Variants in AFAP1 observed in about 807,000 individuals in gnomAD.
AFAP1 encodes actin filament associated protein 1.
A neutral mutation model predicts 93.9 loss-of-function variants in AFAP1; 75 were observed. The observed-to-expected ratio is 0.80, with a 90% CI of 0.66 to 0.97. The LOEUF (loss-of-function observed/expected upper bound fraction) is 0.97. Ranked by LOEUF, AFAP1 falls within the 50% of genes least tolerant of loss-of-function variation. The pLI is 0.00. For synonymous variants in AFAP1, 517 were observed against 430.7 expected (o/e 1.20, Z -2.48); for missense variants, 1,201 against 1,050.8 (o/e 1.14, Z -1.98).
intron 1 of AFAP1, among the ~76,000 whole-genome samples, chr4:7,909,260 G>C (rs568267009): frequency 1.1e-4 from 17 of 152,238 alleles, no homozygotes; most frequent in African/African-American, 3.6e-4. Context: ...TTTCATAGAT[G>C]AAAGTCAGGT....
At position 7,789,843 on chromosome 4, in the gene AFAP1, A is replaced by C. The variant is rs1717702060; in HGVS notation, c.1413-3532T>G. 2.6e-5 allele frequency among the ~76,000 whole-genome samples: 4 copies of C among 152,290 alleles called. No individual in the cohort carries two copies. The South Asian group carries it at 8.3e-4, about 32-fold the overall frequency. On this transcript the variant is annotated intron_variant, in intron 11 of 17. Coordinates refer to ENST00000420658, the MANE Select transcript of AFAP1 (RefSeq NM_001134647.2). ...CTGCTTCCTGAGGGGCTCCCAGCTGAGTGTGACTTGAAGAGAGTTTCAGGA... is the reference window on the plus strand; with the variant it reads ...CTGCTTCCTGAGGGGCTCCCAGCTGCGTGTGACTTGAAGAGAGTTTCAGGA...
At chr4:7,817,979 G>T (rs1265243541) in intron 7 of AFAP1, among the ~76,000 whole-genome samples, 2 of 152,132 alleles carry the variant, frequency 1.3e-5, no homozygotes, top group East Asian at 3.9e-4. Flanking sequence ...TAGTTTTGTA[G>T]TCAAGGAGAA....
At chr4:7,840,458 C>T (rs571704553) in intron 5 of AFAP1, among the ~76,000 whole-genome samples, 1 of 152,070 alleles carries the variant, frequency 6.6e-6, no homozygotes. Context: ...GGAGTACAGG[C>T]GTGCACCACC....
intron 1 of AFAP1, among the ~76,000 whole-genome samples, chr4:7,878,211 T>C (rs1271071168): frequency 6.6e-6 from 1 of 152,188 alleles, no homozygotes; most frequent in Non-Finnish European, 1.5e-5. Flanking sequence ...TGGTGAAATA[T>C]GTGTGCCTGA....
chr4:7,902,293 C>T (rs111283573), intron 1 of AFAP1, among the ~76,000 whole-genome samples: 2 of 152,282 alleles, frequency 1.3e-5, no homozygotes, highest in African/African-American at 4.8e-5. Context: ...CTTATCCCAC[C>T]TCGCCATCTG....
Position 7,788,517 on chromosome 4 carries a change from C to T in AFAP1, c.1413-2206G>A, listed in dbSNP as rs541132728. ...TATAATTTATAAACTTTTTCCTTTG[C>T]TTATAAAAAATTAATATATGCTAAA... On this transcript the variant is annotated intron_variant, in intron 11 of 17. Coordinates refer to ENST00000420658, the MANE Select transcript of AFAP1 (RefSeq NM_001134647.2). The T allele has an allele frequency of 2.6e-5, 4 of 152,206 alleles. No homozygotes were observed. In the South Asian group the frequency reaches 8.3e-4, roughly 32 times the overall value. The allele number at this position is 152,206 out of a possible 1,614,324, so 9.4% of individuals were successfully genotyped here.
chr4:7,924,508 A>C (rs541577376), intron 1 of AFAP1, among the ~76,000 whole-genome samples: 1 of 152,244 alleles, frequency 6.6e-6, no homozygotes, highest in Non-Finnish European at 1.5e-5. Flanking sequence ...TAAATCTTCA[A>C]GATAAATGGC....
intron 3 of AFAP1, among the ~76,000 whole-genome samples, chr4:7,867,028 G>T (rs932315672): frequency 6.8e-6 from 1 of 148,024 alleles, no homozygotes; most frequent in Non-Finnish European, 1.5e-5. Context: ...GACAGAGCAA[G>T]ACCCTGTGGA....
intron 1 of AFAP1, among the ~76,000 whole-genome samples, chr4:7,905,863 C>T (rs976967785): frequency 6.6e-6 from 1 of 152,202 alleles, no homozygotes; most frequent in Non-Finnish European, 1.5e-5. Context: ...GTAACATTTA[C>T]CAAACAGCCT....
intron 6 of AFAP1, among the ~76,000 whole-genome samples, chr4:7,828,580 A>T (rs1379581365): frequency 1.3e-5 from 2 of 152,148 alleles, no homozygotes; most frequent in Non-Finnish European, 2.9e-5. Flanking sequence ...GCGGAGCCTA[A>T]TGAGATGCAG....
In AFAP1 at chr4:7,939,008, G is replaced by GC; in HGVS notation, c.-3+647dup. 6.5e-6 allele frequency: 1 copy of GC among 153,634 alleles called. No homozygotes were observed. The highest frequency in any genetic ancestry group is 1.5e-5 in the Non-Finnish European group (1 of 68,938). 9.5% of individuals were successfully genotyped at this position (153,634 alleles called of 1,614,324 possible). Reference sequence around the variant, plus strand: ...GGGGCAGTGCGCCCCCACCAACCGCGCCCCCCGCGCACGGACCCCCATTAC... The same window carrying GC: ...GGGGCAGTGCGCCCCCACCAACCGCGCCCCCCCGCGCACGGACCCCCATTAC... On this transcript the variant is annotated intron_variant, in intron 1 of 17. Coordinates refer to ENST00000420658, the MANE Select transcript of AFAP1 (RefSeq NM_001134647.2). The surrounding 1 kb of genome is among the most constrained non-coding windows in gnomAD (Gnocchi z 5.6).
At chr4:7,839,758 C>T (rs1422172103) in intron 5 of AFAP1, among the ~76,000 whole-genome samples, 1 of 152,056 alleles carries the variant, frequency 6.6e-6, no homozygotes, top group African/African-American at 2.4e-5. Flanking sequence ...CCAAAGCTTC[C>T]CTTACCCCCG....
At chr4:7,808,300 A>C (rs6846245) in intron 9 of AFAP1, among the ~76,000 whole-genome samples, 25,754 of 152,178 alleles carry the variant, frequency 0.17, 2,213 homozygotes, top group South Asian at 0.22. Flanking sequence ...GTCTTCATGG[A>C]GACCACCCCA....
intron 9 of AFAP1, among the ~76,000 whole-genome samples, chr4:7,809,126 T>C (rs1202931458): frequency 1.3e-5 from 2 of 152,050 alleles, no homozygotes; most frequent in Non-Finnish European, 2.9e-5. Flanking sequence ...TAGTTACATA[T>C]GTATACATGT....
chr4:7,917,442 AAC>A (rs751982207), intron 1 of AFAP1, among the ~76,000 whole-genome samples: 5 of 152,194 alleles, frequency 3.3e-5, no homozygotes, highest in Non-Finnish European at 7.3e-5. Context: ...CATTCATCCA[AAC>A]ACAAAAGAAA....
At chr4:7,893,346 C>T (rs866292888) in intron 1 of AFAP1, among the ~76,000 whole-genome samples, 45 of 152,102 alleles carry the variant, frequency 3.0e-4, no homozygotes, top group African/African-American at 8.4e-4. Flanking sequence ...TTTGGGAGGC[C>T]GAGGCGGGCG....
At chr4:7,830,007 G>C (rs527416041) in intron 6 of AFAP1, among the ~76,000 whole-genome samples, 1 of 152,106 alleles carries the variant, frequency 6.6e-6, no homozygotes, top group Admixed American at 6.5e-5. Flanking sequence ...TTGAAGTATG[G>C]TCTATTCATA....
chr4:7,810,460 G>A (rs1428983444), intron 8 of AFAP1, among the ~76,000 whole-genome samples: 2 of 152,184 alleles, frequency 1.3e-5, no homozygotes, highest in African/African-American at 4.8e-5. Flanking sequence ...AGGAACAGAA[G>A]GCAGCTAGTG....
At chr4:7,872,584 T>C (rs866753864) in intron 1 of AFAP1, among the ~76,000 whole-genome samples, 1 of 152,198 alleles carries the variant, frequency 6.6e-6, no homozygotes, top group Non-Finnish European at 1.5e-5. Context: ...CTGGTGTAAA[T>C]ACAAGTTCAG....
Sources: gnomAD v4.1 joint callset for allele counts (sites outside exome capture counted in the v4.1 genomes callset) on GRCh38, gnomAD v4.1.1 for gene constraint, Gnocchi (gnomAD v3.1) non-coding constraint, MANE v1.5 for transcripts, NCBI Gene and HGNC (gene_info 2026-07-23, HGNC 2026-07-21) for gene names.